SLC43A1: variants seen among roughly 807,000 people sequenced by gnomAD.
SLC43A1 encodes solute carrier family 43 member 1, also known as large neutral amino acids transporter small subunit 3.
A neutral mutation model predicts 59.5 loss-of-function variants in SLC43A1; 31 were observed. The observed-to-expected ratio is 0.52, with a 90% CI of 0.39 to 0.70. The LOEUF is 0.70. Ranked by LOEUF, SLC43A1 falls within the 30% of genes least tolerant of loss-of-function variation. SLC43A1 has a pLI of 0.00. For synonymous variants in SLC43A1, 259 were observed against 290.9 expected (o/e 0.89, Z 1.12); for missense variants, 598 against 717.8 (o/e 0.83, Z 1.91).
intron 2 of SLC43A1, among the ~76,000 whole-genome samples, chr11:57,508,222 G>A (rs1944434921): frequency 6.7e-6 from 1 of 149,752 alleles, no homozygotes; most frequent in African/African-American, 2.5e-5. Context: ...AGGTGAGATC[G>A]CACCACTGCA....
intron 2 of SLC43A1, among the ~76,000 whole-genome samples, chr11:57,506,396 T>G (rs1258327612): frequency 1.3e-5 from 2 of 151,742 alleles, no homozygotes; most frequent in Non-Finnish European, 2.9e-5. Flanking sequence ...ATTAGTCAGG[T>G]GTGGTGGTGT....
intron 5 of SLC43A1, among the ~76,000 whole-genome samples, chr11:57,500,523 CCATGGACATT>C (rs1944231688): frequency 6.6e-6 from 1 of 152,196 alleles, no homozygotes. Context: ...GAACAGAGCT[CCATGGACATT>C]CATGGGCTCT....
intron 6 of SLC43A1, among the ~76,000 whole-genome samples, 192 bp from the exon 7 acceptor site, chr11:57,496,356 CA>C (rs1944085101): frequency 6.6e-6 from 1 of 152,122 alleles, no homozygotes; most frequent in Non-Finnish European, 1.5e-5. Context: ...TTTTCTTTTT[CA>C]CTTGAGGCCC....
At chr11:57,513,829 G>A in intron 2 of SLC43A1, 129 bp downstream of exon 2, 1 of 727,596 alleles carries the variant, frequency 1.4e-6, no homozygotes, top group South Asian at 1.6e-5. Flanking sequence ...AGTTTGAAGA[G>A]GTCGAGAAGT....
Position 57,489,259 on chromosome 11 carries a change from G to A in SLC43A1, c.1327C>T (p.His443Tyr), listed in dbSNP as rs34746107. 1,334 of 1,614,188 alleles carry A rather than the reference G, an allele frequency of 8.3e-4. 13 individuals carry two copies. In the African/African-American group the frequency reaches 0.014, roughly 17 times the overall value. The change falls in exon 12 of 15, where the codon CAC becomes TAC. Residue 443 changes from histidine to tyrosine, a missense_variant. By Grantham distance (83) the His-to-Tyr change is moderately conservative. Transcript: ENST00000278426. ...FGITCLINNL[H>Y]LQFVTFVLHT... ...AGGATGAAGGTGGGTACCTGGAGGTGTAAGTTGTTGATGAGACAGGTGATG... is the reference window on the plus strand; with the variant it reads ...AGGATGAAGGTGGGTACCTGGAGGTATAAGTTGTTGATGAGACAGGTGATG...
chr11:57,504,553 A>G (rs1020260285), intron 2 of SLC43A1, among the ~76,000 whole-genome samples: 2 of 152,198 alleles, frequency 1.3e-5, no homozygotes, highest in African/African-American at 4.8e-5. Context: ...CAATAACCCT[A>G]AAGGGTGAGT....
At chr11:57,501,531 A>G (rs1417276372) in intron 2 of SLC43A1, among the ~76,000 whole-genome samples, 1 of 152,238 alleles carries the variant, frequency 6.6e-6, no homozygotes, top group African/African-American at 2.4e-5. Flanking sequence ...TTGTGCACAC[A>G]CAGCCTGAGG....
intron 6 of SLC43A1, 53 bp from the exon 7 acceptor site, chr11:57,496,217 AC>A: frequency 6.2e-7 from 1 of 1,600,194 alleles, no homozygotes; most frequent in Non-Finnish European, 8.5e-7. Flanking sequence ...CCCAGACCCC[AC>A]CAAGGTAGAT....
chr11:57,506,125 C>T (rs1012412410), intron 2 of SLC43A1, among the ~76,000 whole-genome samples: 4 of 152,118 alleles, frequency 2.6e-5, no homozygotes, highest in African/African-American at 7.2e-5. Context: ...ACAGGAGGAT[C>T]GCTTGAGTCC....
At chr11:57,499,151 C>T (rs1944176477) in intron 5 of SLC43A1, among the ~76,000 whole-genome samples, 1 of 152,102 alleles carries the variant, frequency 6.6e-6, no homozygotes, top group South Asian at 2.1e-4. Flanking sequence ...GGTGAAACCC[C>T]GTCTCCACTA....
At position 57,497,771 on chromosome 11, in the gene SLC43A1, A is replaced by G; in HGVS notation, c.540T>C (p.Ile180=). 1 of 1,613,524 alleles carries G rather than the reference A, an allele frequency of 6.2e-7. No homozygotes were observed. The change falls in exon 6 of 15, where the codon ATT becomes ATC. Residue 180 remains isoleucine (I), a synonymous_variant. Coordinates refer to ENST00000278426, the MANE Select transcript of SLC43A1 (RefSeq NM_003627.6). ...CTCATACCTTGATTCCTGGGAACGTAATGGCAGAAGAGGCGTAAGAGCCAA... is the reference window on the plus strand; with the variant it reads ...CTCATACCTTGATTCCTGGGAACGTGATGGCAGAAGAGGCGTAAGAGCCAA... ...LMIGSYASSA[I]TFPGIKLIYD... is the part of the protein sequence containing the mutation.
At chr11:57,510,998 A>T (rs543192803) in intron 2 of SLC43A1, among the ~76,000 whole-genome samples, 78 of 152,196 alleles carry the variant, frequency 5.1e-4, no homozygotes, top group African/African-American at 6.7e-4. Flanking sequence ...TAAAAAAAAA[A>T]TTTTTTTAAG....
At chr11:57,486,277 A>C (rs1296284082) in intron 14 of SLC43A1, among the ~76,000 whole-genome samples, 2 of 152,360 alleles carry the variant, frequency 1.3e-5, no homozygotes, top group African/African-American at 4.8e-5. Context: ...ATTTGAGGCC[A>C]GGAGTTTAAG....
At position 57,501,317 on chromosome 11, in the gene SLC43A1, G is replaced by A. The variant is rs1944261906; in HGVS notation, c.167C>T (p.Thr56Ile). 2 of 1,609,622 alleles carry A rather than the reference G, an allele frequency of 1.2e-6. No homozygotes were observed. The highest frequency in any genetic ancestry group is 1.3e-5 in the African/African-American group (1 of 74,938). Residue 56 changes from threonine to isoleucine, a missense_variant, in exon 3 of 15, where the codon ACC becomes ATC. Physicochemically the swap from Thr to Ile is moderately conservative, Grantham distance 89 (BLOSUM62 -1). Transcript: ENST00000278426. ...YSSTCPAESS[T>I]NTTQDEQRRW... ...GCGCTGCTCATCCTGGGTGGTGTTGGTGCTGCTCTCAGCTGAGGAGGGGGA... is the reference window on the plus strand; with the variant it reads ...GCGCTGCTCATCCTGGGTGGTGTTGATGCTGCTCTCAGCTGAGGAGGGGGA...
intron 2 of SLC43A1, among the ~76,000 whole-genome samples, chr11:57,512,375 T>G (rs1944570303): frequency 6.6e-6 from 1 of 151,958 alleles, no homozygotes; most frequent in Non-Finnish European, 1.5e-5. Context: ...GTGGGTGACT[T>G]GAGGTCAGGT....
rs1200140650 is a variant in SLC43A1 at position 57,491,726 on chromosome 11, G to A, written c.1008C>T (p.Gly336=). ...TCAGCGGTGCCTCACCATGCTCCTGGCCACCAGTCACAAGGTACTCCAGCA... is the reference window on the plus strand; with the variant it reads ...TCAGCGGTGCCTCACCATGCTCCTGACCACCAGTCACAAGGTACTCCAGCA... ...NKMLEYLVTG[G]QEHETNEQQQ... The change falls in exon 9 of 15, where the codon GGC becomes GGT. Residue 336 remains glycine (G), a synonymous_variant. Transcript: ENST00000278426. The A allele has an allele frequency of 8.1e-6, 13 of 1,614,098 alleles. No individual in the cohort carries two copies. The South Asian group carries it at 1.1e-4, about 14-fold the overall frequency.
At chr11:57,494,275 C>T in intron 7 of SLC43A1, 104 bp from the exon 8 acceptor site, 1 of 1,061,538 alleles carries the variant, frequency 9.4e-7, no homozygotes, top group African/African-American at 1.6e-5. Context: ...CACTCCTTTA[C>T]CCGGCATTGA....
chr11:57,512,566 T>C (rs566547798), intron 2 of SLC43A1, among the ~76,000 whole-genome samples: 1 of 150,024 alleles, frequency 6.7e-6, no homozygotes, highest in Non-Finnish European at 1.5e-5. Context: ...AAAAGTTACA[T>C]AGGGGACAGT....
intron 2 of SLC43A1, among the ~76,000 whole-genome samples, chr11:57,509,036 A>C (rs2135219407): frequency 6.6e-6 from 1 of 152,138 alleles, no homozygotes; most frequent in Non-Finnish European, 1.5e-5. Flanking sequence ...GAACTGCTTG[A>C]AACCAGAAGG....
Sources: gnomAD v4.1 joint callset for allele counts (sites outside exome capture counted in the v4.1 genomes callset) on GRCh38, gnomAD v4.1.1 for gene constraint, MANE v1.5 for transcripts, NCBI Gene and HGNC (gene_info 2026-07-23, HGNC 2026-07-21) for gene names.